The following IMMP2L variants were observed in gnomAD, a reference collection of about 807,000 sequenced individuals.
IMMP2L encodes inner mitochondrial membrane peptidase subunit 2.
Under a neutral mutation model 19.3 loss-of-function variants are expected in IMMP2L, and 18 were observed. That is an observed-to-expected ratio of 0.93 (90% CI 0.64 to 1.38). The LOEUF (loss-of-function observed/expected upper bound fraction) is 1.38, where lower values mean the gene tolerates loss of function less well. Among genes scored for constraint, IMMP2L ranks in the 40% most tolerant of loss-of-function variants. IMMP2L has a pLI of 0.00. For missense variants in IMMP2L, 233 were observed against 218.2 expected (o/e 1.07, Z -0.43); for synonymous variants, 76 against 73.0 (o/e 1.04, Z -0.21).
chr7:110,848,703 G>C (rs1805909016), intron 5 of IMMP2L, among the ~76,000 whole-genome samples: 5 of 152,212 alleles, frequency 3.3e-5, no homozygotes, highest in African/African-American at 1.2e-4. Context: ...GGTATATCCA[G>C]ACAATGGAAT....
At chr7:110,978,763 T>C (rs2129557648) in intron 3 of IMMP2L, among the ~76,000 whole-genome samples, 1 of 152,186 alleles carries the variant, frequency 6.6e-6, no homozygotes, top group East Asian at 1.9e-4. Context: ...ACATTGATGA[T>C]TAACACAAAA....
intron 3 of IMMP2L, among the ~76,000 whole-genome samples, chr7:111,455,575 TATATG>T (rs1454884678): frequency 2.9e-4 from 43 of 149,456 alleles, no homozygotes; most frequent in Non-Finnish European, 5.8e-4. Context: ...GCACCATCAT[TATATG>T]ATATAAGTTT....
At chr7:110,900,257 C>T (rs544664054) in intron 4 of IMMP2L, among the ~76,000 whole-genome samples, 1 of 152,112 alleles carries the variant, frequency 6.6e-6, no homozygotes, top group East Asian at 1.9e-4. Context: ...TGACACCCTG[C>T]CATGTAGGCC....
At chr7:111,516,089 T>C (rs1407702244) in intron 2 of IMMP2L, among the ~76,000 whole-genome samples, 1 of 152,164 alleles carries the variant, frequency 6.6e-6, no homozygotes, top group Non-Finnish European at 1.5e-5. Flanking sequence ...CTCAACTGTC[T>C]GAGCCTCAGT....
At chr7:110,867,211 C>T (rs901142446) in intron 5 of IMMP2L, among the ~76,000 whole-genome samples, 3 of 152,060 alleles carry the variant, frequency 2.0e-5, no homozygotes, top group East Asian at 1.9e-4. Flanking sequence ...CTGGTGAGGG[C>T]TCTCTTACTG....
At chr7:110,919,521 T>C (rs893723127) in intron 4 of IMMP2L, among the ~76,000 whole-genome samples, 1 of 152,194 alleles carries the variant, frequency 6.6e-6, no homozygotes, top group Non-Finnish European at 1.5e-5. Flanking sequence ...AATGCGGGTA[T>C]GCTTTCAAGC....
At chr7:111,251,436 TA>T (rs1256909243) in intron 3 of IMMP2L, among the ~76,000 whole-genome samples, 5 of 152,132 alleles carry the variant, frequency 3.3e-5, no homozygotes, top group Admixed American at 3.3e-4. Flanking sequence ...CATTCTATTA[TA>T]AAGATACTTG....
intron 4 of IMMP2L, among the ~76,000 whole-genome samples, chr7:110,945,939 G>A (rs1251289384): frequency 6.6e-6 from 1 of 152,166 alleles, no homozygotes; most frequent in Non-Finnish European, 1.5e-5. Flanking sequence ...CTCACTTGAA[G>A]ACGACTTTGA....
chr7:110,892,002 G>A (rs1277527356), intron 4 of IMMP2L, among the ~76,000 whole-genome samples: 1 of 152,126 alleles, frequency 6.6e-6, no homozygotes, highest in Non-Finnish European at 1.5e-5. Flanking sequence ...TAAATGTGCT[G>A]GGCCTCAGAA....
chr7:111,128,688 G>C (rs534216943), intron 3 of IMMP2L, among the ~76,000 whole-genome samples: 10 of 152,244 alleles, frequency 6.6e-5, no homozygotes, highest in Non-Finnish European at 1.0e-4. Context: ...AGCTGGGTGT[G>C]GTGGTGAATG....
At chr7:111,031,393 T>C (rs1283399043) in intron 3 of IMMP2L, among the ~76,000 whole-genome samples, 1 of 74,386 alleles carries the variant, frequency 1.3e-5, no homozygotes, top group African/African-American at 7.1e-5. Flanking sequence ...TGTGTGTGTG[T>C]GTGTGTGTGT....
rs541820599 is a variant in IMMP2L at position 110,769,079 on chromosome 7, A to G, written c.409-105358T>C. ...TGGTACGTTTTTGCCTGATAGCACA[A>G]TTTCATATATTCCTCTGGTCCAGTC... is the stretch of plus-strand genomic sequence containing the variant. On this transcript the variant is annotated intron_variant, in intron 5 of 5. Coordinates refer to ENST00000405709, the MANE Select transcript of IMMP2L (RefSeq NM_032549.4). 7.9e-5 allele frequency among the ~76,000 whole-genome samples: 12 copies of G among 152,288 alleles called. No individual in the cohort carries two copies. In the East Asian group the frequency reaches 2.3e-3, roughly 29 times the overall value.
chr7:111,090,008 A>G (rs1252576425), intron 3 of IMMP2L, among the ~76,000 whole-genome samples: 1 of 151,878 alleles, frequency 6.6e-6, no homozygotes, highest in Admixed American at 6.6e-5. Context: ...TTACTCCACT[A>G]GAGGGTAGTC....
intron 5 of IMMP2L, among the ~76,000 whole-genome samples, chr7:110,859,583 A>T (rs1302637331): frequency 1.3e-5 from 2 of 151,820 alleles, no homozygotes; most frequent in Non-Finnish European, 2.9e-5. Flanking sequence ...TCTCTACAAA[A>T]AAATACAAAA....
Position 111,541,929 on chromosome 7 carries a change from A to C in IMMP2L, c.-3+19922T>G, listed in dbSNP as rs367637687. Among the ~76,000 whole-genome samples, 412 of 152,150 alleles carry C rather than the reference A, an allele frequency of 2.7e-3. 6 individuals are homozygous for C. The highest frequency in any genetic ancestry group is 9.3e-3 in the African/African-American group (386 of 41,560). On this transcript the variant is annotated intron_variant, in intron 1 of 5. Transcript: ENST00000405709. ...CACCTCTTCATACATGTTAAGCAAA[A>C]CCAGCCATAATAAAATCCCTGATGA...
At position 111,250,973 on chromosome 7, in the gene IMMP2L, T is replaced by C. The variant is rs1028030793; in HGVS notation, c.239+236265A>G. Reference sequence around the variant, plus strand: ...ATTATCAGACTGAACAGACAACCTATAGAATGAGAGAAAATTTCTGCAATC... The same window carrying C: ...ATTATCAGACTGAACAGACAACCTACAGAATGAGAGAAAATTTCTGCAATC... On this transcript the variant is annotated intron_variant, in intron 3 of 5. Coordinates refer to ENST00000405709, the MANE Select transcript of IMMP2L (RefSeq NM_032549.4). Among the ~76,000 whole-genome samples the C allele has an allele frequency of 3.3e-5, 5 of 152,160 alleles. No homozygotes were observed. The East Asian group carries it at 7.7e-4, about 23-fold the overall frequency.
At chr7:111,129,844 T>A (rs1801680948) in intron 3 of IMMP2L, among the ~76,000 whole-genome samples, 1 of 152,016 alleles carries the variant, frequency 6.6e-6, no homozygotes, top group East Asian at 1.9e-4. Flanking sequence ...AAAATCAGAG[T>A]TAATATTAAC....
intron 3 of IMMP2L, among the ~76,000 whole-genome samples, chr7:111,040,125 C>T (rs181546313): frequency 6.6e-6 from 1 of 152,062 alleles, no homozygotes; most frequent in African/African-American, 2.4e-5. Flanking sequence ...GCGGAGATTG[C>T]GCCACTGCAC....
intron 3 of IMMP2L, among the ~76,000 whole-genome samples, chr7:111,477,486 T>A (rs1841817850): frequency 6.6e-6 from 1 of 152,212 alleles, no homozygotes; most frequent in Non-Finnish European, 1.5e-5. Context: ...CATTCTAGAT[T>A]GACATTTTTT....
Sources: allele counts gnomAD v4.1 joint callset (sites outside exome capture counted in the v4.1 genomes callset), GRCh38; gene constraint gnomAD v4.1.1; transcripts MANE v1.5; gene names NCBI Gene and HGNC (gene_info 2026-07-23, HGNC 2026-07-21).